Variants in NLRP4 observed in about 807,000 individuals in gnomAD.
NLRP4 encodes the protein NACHT, LRR and PYD domains-containing protein 4.
In NLRP4, 44 loss-of-function variants were observed where a neutral mutation model predicts 84.7. The observed-to-expected ratio is 0.52, with a 90% CI of 0.41 to 0.67. The LOEUF (loss-of-function observed/expected upper bound fraction) is 0.67, where lower values mean the gene tolerates loss of function less well. Ranked by LOEUF, NLRP4 falls within the 30% of genes least tolerant of loss-of-function variation. The pLI is 0.00. For synonymous variants in NLRP4, 544 were observed against 476.4 expected (o/e 1.14, Z -1.85); for missense variants, 1,260 against 1,219.4 (o/e 1.03, Z -0.50).
intron 6 of NLRP4, among the ~76,000 whole-genome samples, chr19:55,870,399 C>T (rs915091960): frequency 2.6e-5 from 4 of 152,194 alleles, no homozygotes; most frequent in Non-Finnish European, 4.4e-5. Flanking sequence ...CGGTGGCTCA[C>T]GCCTTGTAAT....
chr19:55,855,929 C>T (rs146246549), intron 2 of NLRP4, among the ~76,000 whole-genome samples: 17 of 152,266 alleles, frequency 1.1e-4, no homozygotes, highest in African/African-American at 3.9e-4. Flanking sequence ...AAATACACCA[C>T]GACAGCTATG....
At chr19:55,845,091 A>G (rs1316689306) in intron 1 of NLRP4, among the ~76,000 whole-genome samples, 1 of 151,464 alleles carries the variant, frequency 6.6e-6, no homozygotes. Context: ...TTTGTTACAT[A>G]TGTATACATG....
intron 1 of NLRP4, among the ~76,000 whole-genome samples, chr19:55,839,122 C>A (rs1379967333): frequency 6.6e-6 from 1 of 152,040 alleles, no homozygotes; most frequent in African/African-American, 2.4e-5. Flanking sequence ...GCTCTCCCTC[C>A]CCTTTCCCAC....
At chr19:55,850,912 AGGCTGCGGTGTAATGTCCGT>A (rs1984097217) in intron 1 of NLRP4, among the ~76,000 whole-genome samples, 1 of 42,432 alleles carries the variant, frequency 2.4e-5, no homozygotes, top group Non-Finnish European at 3.5e-5. Context: ...GTAATGTCCG[AGGCTGCGGTGTAATGTCCGT>A]GGCTGCGGTG....
intron 5 of NLRP4, 61 bp from the exon 6 acceptor site, chr19:55,867,648 C>A: frequency 6.8e-7 from 1 of 1,479,446 alleles, no homozygotes; most frequent in Non-Finnish European, 9.3e-7. Flanking sequence ...ACAGGATTGG[C>A]AAGAGGAATG....
At position 55,874,295 on chromosome 19, in the gene NLRP4, A is replaced by T. The variant is rs184800727; in HGVS notation, c.2526-2701A>T. Among the ~76,000 whole-genome samples, 527 of 152,300 alleles carry T rather than the reference A, an allele frequency of 3.5e-3. 2 individuals carry two copies. Among genetic ancestry groups the T allele is most frequent in the African/African-American group, 0.012 (498 of 41,582 alleles). On this transcript the variant is annotated intron_variant, in intron 7 of 9. Coordinates refer to ENST00000301295, the MANE Select transcript of NLRP4 (RefSeq NM_134444.5). Reference sequence around the variant, plus strand: ...ATGTAATCAGTACAAAAAATTACTAATGAGAGATTTTACTTTTTTGTATTA... The same window carrying T: ...ATGTAATCAGTACAAAAAATTACTATTGAGAGATTTTACTTTTTTGTATTA...
chr19:55,854,770 G>C (rs572181758), intron 2 of NLRP4, among the ~76,000 whole-genome samples: 6 of 152,180 alleles, frequency 3.9e-5, no homozygotes, highest in African/African-American at 1.2e-4. Context: ...CCAGGCTGGA[G>C]TAAAGTAGCA....
At chr19:55,878,748 A>C in intron 8 of NLRP4, 46 bp from the exon 9 acceptor site, 1 of 1,551,094 alleles carries the variant, frequency 6.4e-7, no homozygotes, top group Non-Finnish European at 8.8e-7. Flanking sequence ...TCCTACCTCC[A>C]CCCTGAGGCT....
At chr19:55,862,237 T>C in intron 5 of NLRP4, 78 bp downstream of exon 5, 2 of 745,660 alleles carry the variant, frequency 2.7e-6, no homozygotes, top group Non-Finnish European at 4.1e-6. Flanking sequence ...TTGAGACCAC[T>C]GATTAGGTTT....
rs1260624573 is a variant in NLRP4, at chr19:55,859,023, C to A, written c.1630C>A (p.Pro544Thr). Residue 544 changes from proline (P) to threonine (T), a missense_variant, in exon 3 of 10, where the codon CCT (proline) becomes ACT (threonine). Transcript: ENST00000301295. ...GAAGAGCTTAGGGGAGCGTGGCAAT[C>A]CTCAGGGACAGGTGGATTCCTTGGC... The part of the protein sequence containing the change: ...CLKSLGERGN[P>T]QGQVDSLAIF... 6.2e-7 allele frequency: 1 copy of A among 1,614,104 alleles called. No individual in the cohort carries two copies. Among genetic ancestry groups the A allele is most frequent in the Non-Finnish European group, 8.5e-7 (1 of 1,179,990 alleles).
In NLRP4 at chr19:55,858,680, C is replaced by T. The variant is rs771185240; in HGVS notation, c.1287C>T (p.Ile429=). The change falls in exon 3 of 10, where the codon ATC becomes ATT. Residue 429 remains isoleucine (I), a synonymous_variant. Transcript: ENST00000301295. This position sits in a 1 kb window ranked among gnomAD's most constrained non-coding sequence, Gnocchi z 4.2. ...GAAATGGGGTTGTTGACGCTGACAT[C>T]CCTGCGCTGCTGGGCACCAAGATAC... ...LRRNGVVDAD[I]PALLGTKILL... 32 of 1,614,138 alleles carry T rather than the reference C, an allele frequency of 2.0e-5. No individual in the cohort carries two copies. The Admixed American group carries it at 5.2e-4, about 26-fold the overall frequency.
Position 55,876,987 on chromosome 19 carries a change from C to A in NLRP4, c.2526-9C>A. ...AGCCTTTAAGCATGGTACCCTTACT[C>A]CTTTGCAGTTTGGTAAAATGTTTTA... On this transcript the variant is annotated splice_polypyrimidine_tract_variant and intron_variant, in intron 7 of 9. Transcript: ENST00000301295. 1.2e-6 allele frequency: 2 copies of A among 1,611,612 alleles called. No homozygotes were observed. The highest frequency in any genetic ancestry group is 1.1e-5 in the South Asian group (1 of 90,822).
At chr19:55,842,666 C>T (rs1016839702) in intron 1 of NLRP4, among the ~76,000 whole-genome samples, 3 of 151,070 alleles carry the variant, frequency 2.0e-5, no homozygotes, top group African/African-American at 2.4e-5. Flanking sequence ...AATTTTCCTT[C>T]TCTCCAATGG....
chr19:55,880,308 C>T lies in NLRP4; in HGVS notation c.2868-1162C>T, dbSNP rs1015423026. On this transcript the variant is annotated intron_variant, in intron 9 of 9. Coordinates refer to ENST00000301295, the MANE Select transcript of NLRP4 (RefSeq NM_134444.5). Reference sequence around the variant, plus strand: ...GTTTGCTAAAGATTCAGAATGTAGACTACCAAAGTAGACACGTGATTAAGG... The same window carrying T: ...GTTTGCTAAAGATTCAGAATGTAGATTACCAAAGTAGACACGTGATTAAGG... Among the ~76,000 whole-genome samples the T allele has an allele frequency of 4.6e-5, 7 of 152,280 alleles. No individual in the cohort carries two copies. In the South Asian group the frequency reaches 1.0e-3, roughly 23 times the overall value.
rs756736376 is a variant in NLRP4 at position 55,857,739 on chromosome 19, GTCACTGAGAT to G, written c.351_360del (p.Glu118TyrfsTer31). The G allele has an allele frequency of 1.2e-6, 2 of 1,613,878 alleles. No homozygotes were observed. Among genetic ancestry groups the G allele is most frequent in the Non-Finnish European group, 1.7e-6 (2 of 1,179,760 alleles). ...CAGCCGCTTATGGTCCAGCAAGTCT[GTCACTGAGAT>G]TCACCTATACTTTGAGGAGGAAGTC... On this transcript the variant is annotated frameshift_variant, in exon 3 of 10. Transcript: ENST00000301295. LOFTEE classifies it high-confidence loss of function.
chr19:55,853,831 TTCTC>T lies in NLRP4; in HGVS notation c.280+1478_280+1481del, dbSNP rs368467937. Among the ~76,000 whole-genome samples the T allele has an allele frequency of 5.9e-3, 895 of 150,800 alleles. 12 individuals carry two copies. Among genetic ancestry groups the T allele is most frequent in the African/African-American group, 0.021 (848 of 41,048 alleles). On this transcript the variant is annotated intron_variant, in intron 2 of 9. Coordinates refer to ENST00000301295, the MANE Select transcript of NLRP4 (RefSeq NM_134444.5). ...TTTCTCTTTCTTTCTTGCTGTCTCT[TTCTC>T]TCTCTCGTTCTGTCTTTCTCTCTCT...
chr19:55,861,820 G>C (rs1301181883), intron 4 of NLRP4, among the ~76,000 whole-genome samples, 172 bp from the exon 5 acceptor site: 1 of 152,122 alleles, frequency 6.6e-6, no homozygotes, highest in African/African-American at 2.4e-5. Flanking sequence ...TCCAGACACT[G>C]CCAGCTGTCC....
rs1413828037 is a variant in NLRP4, at chr19:55,850,806, T to A, written c.-65-1210T>A. Among the ~76,000 whole-genome samples the A allele has an allele frequency of 1.6e-5, 2 of 122,046 alleles. 1 individual carries two copies. Among genetic ancestry groups the A allele is most frequent in the African/African-American group, 8.1e-5 (2 of 24,718 alleles). The allele number at this position is 122,046 out of a possible 152,430, so 80.1% of individuals were successfully genotyped here. ...TGTAATTCCCGAGGCTGCGGTGTAA[T>A]TTCCGAGGCTGCGGTGTAATGTCCG... is the stretch of plus-strand genomic sequence containing the variant. On this transcript the variant is annotated intron_variant, in intron 1 of 9. Coordinates refer to ENST00000301295, the MANE Select transcript of NLRP4 (RefSeq NM_134444.5).
intron 1 of NLRP4, among the ~76,000 whole-genome samples, chr19:55,849,366 C>A (rs1416142702): frequency 6.6e-6 from 1 of 152,192 alleles, no homozygotes; most frequent in African/African-American, 2.4e-5. Flanking sequence ...GTACCGTAGA[C>A]TAAGACTATA....
Sources: allele counts gnomAD v4.1 joint callset (sites outside exome capture counted in the v4.1 genomes callset), GRCh38; gene constraint gnomAD v4.1.1; non-coding constraint Gnocchi (gnomAD v3.1); transcripts MANE v1.5; gene names NCBI Gene and HGNC (gene_info 2026-07-23, HGNC 2026-07-21).